The following HMCN1 variants were observed in gnomAD, a reference collection of about 807,000 sequenced individuals.
HMCN1 encodes hemicentin 1, also known as hemicentin-1.
In HMCN1, 321 loss-of-function variants were observed where a neutral mutation model predicts 625.9. The observed-to-expected ratio is 0.51, with a 90% CI of 0.47 to 0.56. The LOEUF (loss-of-function observed/expected upper bound fraction) is 0.56, where lower values mean the gene tolerates loss of function less well. Ranked by LOEUF, HMCN1 falls within the 20% of genes least tolerant of loss-of-function variation. The probability of loss-of-function intolerance (pLI) is 0.00; values close to 1 mark genes in which losing one functional copy is unlikely to be tolerated. For synonymous variants in HMCN1, 2,425 were observed against 2,417.6 expected (o/e 1.00, Z -0.09); for missense variants, 6,588 against 6,887.3 (o/e 0.96, Z 1.54).
chr1:186,000,001 T>C (rs750391286), intron 25 of HMCN1, 44 bp from the exon 26 acceptor site: 3 of 1,344,456 alleles, frequency 2.2e-6, no homozygotes, highest in African/African-American at 1.5e-5. Flanking sequence ...TAATAATTTC[T>C]GTTTTTGTTG....
chr1:186,063,451 AAGGAAGGAAG>A (rs1437061004), intron 48 of HMCN1, among the ~76,000 whole-genome samples: 762 of 6,890 alleles, frequency 0.11, 15 homozygotes, highest in Middle Eastern at 0.3. Flanking sequence ...ACGGAGAGAG[AAGGAAGGAAG>A]GAAGGAAGGA....
In HMCN1 at chr1:185,928,616, G is replaced by T. The variant is rs772369459; in HGVS notation, c.1501G>T (p.Ala501Ser). 6.2e-7 allele frequency: 1 copy of T among 1,613,510 alleles called. No individual in the cohort carries two copies. Among genetic ancestry groups the T allele is most frequent in the Non-Finnish European group, 8.5e-7 (1 of 1,179,490 alleles). ...LSDEGFYECI[A>S]VSSAGTGRAQ... ...TGACGAAGGTTTCTATGAATGCATT[G>T]CTGTCAGCAGTGCAGGTACTGGACG... Residue 501 changes from alanine (A) to serine (S), a missense_variant, in exon 10 of 107, where the codon GCT (alanine) becomes TCT (serine). Transcript: ENST00000271588.
At chr1:185,824,252 G>A (rs1020367065) in intron 1 of HMCN1, among the ~76,000 whole-genome samples, 2 of 152,140 alleles carry the variant, frequency 1.3e-5, no homozygotes, top group African/African-American at 4.8e-5. Context: ...CAAGATTGGA[G>A]CTCAAGCTGT....
In HMCN1 at chr1:186,172,070, C is replaced by T; in HGVS notation, c.15753C>T (p.Gly5251=). ...PDQHCKNTRG[G]YKCIDLCPNG... is the part of the protein sequence containing the mutation. ...AGCACTGTAAGAACACCCGTGGTGG[C>T]TATAAGTGCATTGATCTTTGTCCAA... The change falls in exon 102 of 107, where the codon GGC becomes GGT. Residue 5251 remains glycine (G), a synonymous_variant. Transcript: ENST00000271588. The T allele has an allele frequency of 1.2e-6, 2 of 1,613,788 alleles. No homozygotes were observed. Among genetic ancestry groups the T allele is most frequent in the Non-Finnish European group, 1.7e-6 (2 of 1,179,762 alleles).
chr1:185,840,515 C>G (rs539979420), intron 1 of HMCN1, among the ~76,000 whole-genome samples: 1 of 152,074 alleles, frequency 6.6e-6, no homozygotes, highest in Admixed American at 6.6e-5. Flanking sequence ...ATTTGGTGTT[C>G]GCTTCATATC....
intron 60 of HMCN1, 109 bp from the exon 61 acceptor site, chr1:186,087,823 A>G: frequency 8.6e-7 from 1 of 1,160,130 alleles, no homozygotes; most frequent in Non-Finnish European, 1.3e-6. Flanking sequence ...GGCAATTAGA[A>G]CTGGGGCATT....
In HMCN1 at chr1:185,854,514, G is replaced by A. The variant is rs189482896; in HGVS notation, c.339+8418G>A. Among the ~76,000 whole-genome samples the A allele has an allele frequency of 2.0e-3, 309 of 152,254 alleles. 2 individuals are homozygous for A. Among genetic ancestry groups the A allele is most frequent in the African/African-American group, 7.2e-3 (301 of 41,562 alleles). ...CAATGTCTGGGGAGCTTCTTTTAAT[G>A]CTGGAGGCTGATATCAGCTTTCTTT... On this transcript the variant is annotated intron_variant, in intron 2 of 106. Transcript: ENST00000271588.
intron 15 of HMCN1, among the ~76,000 whole-genome samples, chr1:185,976,381 A>G (rs571088993): frequency 6.6e-6 from 1 of 152,148 alleles, no homozygotes; most frequent in Non-Finnish European, 1.5e-5. Context: ...ATAATAGGAG[A>G]TGAGGCTGCA....
chr1:185,936,464 G>A lies in HMCN1; in HGVS notation c.1828+2640G>A, dbSNP rs541310600. On this transcript the variant is annotated intron_variant, in intron 11 of 106. Transcript: ENST00000271588. ...GATCACTGGAATGAAAATCTTGACA[G>A]TGCTCCATCCTTTTTCTGTTCACAT... 2.0e-3 allele frequency among the ~76,000 whole-genome samples: 302 copies of A among 152,134 alleles called. 1 individual carries two copies. The highest frequency in any genetic ancestry group is 3.5e-3 in the Non-Finnish European group (235 of 67,990).
rs771457917 is a variant in HMCN1, at chr1:185,860,285, A to G, written c.340-4185A>G. On this transcript the variant is annotated intron_variant, in intron 2 of 106. Transcript: ENST00000271588. ...AACACTTATAATCAATATGATTACA[A>G]TATAATCTGTGTTTGCAGATTATAT... Among the ~76,000 whole-genome samples the G allele has an allele frequency of 2.6e-5, 4 of 152,272 alleles. No homozygotes were observed. In the East Asian group the frequency reaches 5.8e-4, roughly 22 times the overall value.
At chr1:185,745,215 C>T (rs751561325) in intron 1 of HMCN1, among the ~76,000 whole-genome samples, 1 of 151,914 alleles carries the variant, frequency 6.6e-6, no homozygotes, top group South Asian at 2.1e-4. Context: ...AAATGTCAAC[C>T]GAAAGTGTAG....
intron 1 of HMCN1, among the ~76,000 whole-genome samples, chr1:185,786,204 C>A (rs1040554401): frequency 8.5e-5 from 13 of 152,134 alleles, no homozygotes; most frequent in Admixed American, 4.6e-4. Context: ...CTTTTAGTTT[C>A]CAAATCGAAG....
At chr1:185,795,373 CCCAA>C (rs1658300682) in intron 1 of HMCN1, among the ~76,000 whole-genome samples, 10 of 152,164 alleles carry the variant, frequency 6.6e-5, no homozygotes, top group South Asian at 2.1e-4. Context: ...AAATTCTCTT[CCCAA>C]GAGAAACCTT....
chr1:185,938,863 G>A (rs916493186), intron 11 of HMCN1, among the ~76,000 whole-genome samples: 11 of 151,870 alleles, frequency 7.2e-5, no homozygotes, highest in African/African-American at 2.4e-4. Flanking sequence ...GGTTCCTGTT[G>A]TTTGCAATTG....
rs2102361497 is a variant in HMCN1 at position 186,076,459 on chromosome 1, A to G, written c.8322A>G (p.Ile2774Met). 1.2e-6 allele frequency: 2 copies of G among 1,613,714 alleles called. No individual in the cohort carries two copies. The highest frequency in any genetic ancestry group is 2.2e-5 in the East Asian group (1 of 44,794). ...CAAGTTTTCAGAAACTCTGGGAAAT[A>G]GGAAACATGCTAGATACTGGCAGGA... ...VPPSFQKLWE[I>M]GNMLDTGRNG... The change falls in exon 54 of 107, where the codon ATA (isoleucine) becomes ATG (methionine). Residue 2774 changes from isoleucine to methionine, a missense_variant. Ile to Met is a conservative substitution (Grantham distance 10, BLOSUM62 1). This residue lies in a region of HMCN1 where 4,628 missense variants were observed against 4,853.1 expected (regional missense o/e 0.95). Coordinates refer to ENST00000271588, the MANE Select transcript of HMCN1 (RefSeq NM_031935.3).
At chr1:186,115,938 A>G (rs1380370594) in intron 75 of HMCN1, among the ~76,000 whole-genome samples, 4 of 152,112 alleles carry the variant, frequency 2.6e-5, no homozygotes, top group African/African-American at 7.2e-5. Flanking sequence ...TAAACTTTAA[A>G]TCACTAAGAA....
intron 102 of HMCN1, among the ~76,000 whole-genome samples, chr1:186,172,961 T>A (rs972827898): frequency 1.3e-5 from 2 of 152,052 alleles, no homozygotes; most frequent in African/African-American, 4.8e-5. Flanking sequence ...CATTTAAATA[T>A]AGGTTGGGAT....
intron 4 of HMCN1, among the ~76,000 whole-genome samples, chr1:185,892,622 C>T (rs1007982294): frequency 1.6e-4 from 24 of 152,208 alleles, no homozygotes; most frequent in East Asian, 3.9e-4. Flanking sequence ...TTAGGCTGCT[C>T]GGGGGTCGGG....
intron 1 of HMCN1, among the ~76,000 whole-genome samples, chr1:185,757,504 G>A (rs867471041): frequency 1.2e-4 from 19 of 152,144 alleles, no homozygotes; most frequent in Admixed American, 3.9e-4. Context: ...GAACTTCAAA[G>A]AGATATTTCT....
Sources: gnomAD v4.1 joint callset for allele counts (sites outside exome capture counted in the v4.1 genomes callset) on GRCh38, gnomAD v4.1.1 for gene constraint, gnomAD v4.1.1 regional missense constraint, MANE v1.5 for transcripts, NCBI Gene and HGNC (gene_info 2026-07-23, HGNC 2026-07-21) for gene names.